Variants in MAP2K3 observed in about 807,000 individuals in gnomAD.
MAP2K3 encodes the protein mitogen-activated protein kinase kinase 3.
MAP2K3 carries 30 observed loss-of-function variants against 46.4 expected under a neutral mutation model. That is an observed-to-expected ratio of 0.65 (90% confidence interval 0.48 to 0.88). The LOEUF (loss-of-function observed/expected upper bound fraction) is 0.88, where lower values mean the gene tolerates loss of function less well. Ranked by LOEUF, MAP2K3 falls within the 40% of genes least tolerant of loss-of-function variation. The pLI is 0.00. For synonymous variants in MAP2K3, 189 were observed against 176.3 expected (o/e 1.07, Z -0.57); for missense variants, 380 against 464.5 (o/e 0.82, Z 1.67).
intron 9 of MAP2K3, among the ~76,000 whole-genome samples, chr17:21,308,278 G>A (rs978587488): frequency 6.6e-6 from 1 of 152,264 alleles, no homozygotes; most frequent in African/African-American, 2.4e-5. Flanking sequence ...CTCTCAAGTA[G>A]CTAGGATTAC....
chr17:21,309,797 A>G (rs905202180), intron 9 of MAP2K3, among the ~76,000 whole-genome samples: 2 of 151,944 alleles, frequency 1.3e-5, no homozygotes, highest in African/African-American at 4.8e-5. Context: ...TATTTTTAGT[A>G]GAGATGGGGT....
chr17:21,304,128 G>C (rs559711045), intron 7 of MAP2K3, among the ~76,000 whole-genome samples: 8 of 152,308 alleles, frequency 5.3e-5, no homozygotes, highest in South Asian at 2.1e-4. Context: ...GCGGATGCAG[G>C]CACGGTGCTC....
rs1597823265 is a variant in MAP2K3, at chr17:21,304,371, A to C, written c.569-55A>C. The C allele has an allele frequency of 1.9e-6, 3 of 1,613,944 alleles. No homozygotes were observed. The South Asian group carries it at 3.3e-5, about 18-fold the overall frequency. The stretch of plus-strand genomic sequence containing the variant: ...GGGGCACAGCTATGCAGAGCATGGC[A>C]CCTGCCTCCAGTCGTGCTCCACAGA... On this transcript the variant is annotated intron_variant, in intron 7 of 11. Transcript: ENST00000342679.
intron 9 of MAP2K3, among the ~76,000 whole-genome samples, chr17:21,309,993 GTTTTTTGTT>G (rs1424608716): frequency 6.7e-6 from 1 of 149,694 alleles, no homozygotes; most frequent in African/African-American, 2.5e-5. Context: ...TGTTTTTTTT[GTTTTTTGTT>G]TTTTTTGTTG....
At position 21,314,426 on chromosome 17, in the gene MAP2K3, G is replaced by A. The variant is rs564782480; in HGVS notation, c.*196G>A. ...AAGAAGCAGACCATTGGGGCTCCCA[G>A]CCAGGCCCTTGTCGGCCCCACCAGT... is the stretch of plus-strand genomic sequence containing the variant. On this transcript the variant is annotated 3_prime_UTR_variant, in exon 12 of 12. Coordinates refer to ENST00000342679, the MANE Select transcript of MAP2K3 (RefSeq NM_145109.3). 2.0e-5 allele frequency: 12 copies of A among 593,594 alleles called. No homozygotes were observed. In the South Asian group the frequency reaches 2.1e-4, roughly 11 times the overall value. 36.8% of individuals were successfully genotyped at this position (593,594 alleles called of 1,614,324 possible).
chr17:21,286,062 C>T (rs1238078529), intron 1 of MAP2K3, among the ~76,000 whole-genome samples: 2 of 152,182 alleles, frequency 1.3e-5, no homozygotes, highest in Admixed American at 6.5e-5. Flanking sequence ...TCCCTGGTGT[C>T]TCTGGGCCTC....
chr17:21,304,276 T>A (rs1352032567), intron 7 of MAP2K3, 150 bp from the exon 8 acceptor site: 11 of 1,423,676 alleles, frequency 7.7e-6, no homozygotes, highest in Admixed American at 1.8e-5. Flanking sequence ...GGTCTGACCC[T>A]TGGGACCCTG....
At chr17:21,293,720 ACTC>A (rs958483402) in intron 1 of MAP2K3, among the ~76,000 whole-genome samples, 25 of 152,408 alleles carry the variant, frequency 1.6e-4, no homozygotes, top group Admixed American at 1.6e-3. Context: ...AGCCTTGGTC[ACTC>A]CTCCTCACCC....
chr17:21,297,382 G>A (rs1433091413), intron 1 of MAP2K3, among the ~76,000 whole-genome samples: 1 of 152,308 alleles, frequency 6.6e-6, no homozygotes, highest in Non-Finnish European at 1.5e-5. Context: ...GCCAAGATGT[G>A]GCAGGATCAT....
chr17:21,296,966 G>A (rs1462697529), intron 1 of MAP2K3, among the ~76,000 whole-genome samples: 2 of 152,430 alleles, frequency 1.3e-5, no homozygotes, highest in East Asian at 3.8e-4. Flanking sequence ...AGCCTCTGGG[G>A]CCTGGCAGCG....
intron 1 of MAP2K3, among the ~76,000 whole-genome samples, chr17:21,289,701 G>A (rs529825437): frequency 2.8e-4 from 43 of 152,240 alleles, no homozygotes; most frequent in Non-Finnish European, 3.2e-4. Context: ...TCTTGCCAGG[G>A]GCATGAAGGC....
intron 10 of MAP2K3, among the ~76,000 whole-genome samples, chr17:21,313,175 T>C (rs1977244011): frequency 6.6e-6 from 1 of 152,158 alleles, no homozygotes; most frequent in Non-Finnish European, 1.5e-5. Context: ...TCTCTCCTGA[T>C]TGAGGATACC....
rs1428641726 is a variant in MAP2K3 at position 21,298,773 on chromosome 17, GAGGCACCTCGT to G, written c.117-104_117-94del. On this transcript the variant is annotated intron_variant, in intron 2 of 11. Coordinates refer to ENST00000342679, the MANE Select transcript of MAP2K3 (RefSeq NM_145109.3). ...GCCGGAGAAGGCGCCTCCGGGGCAG[GAGGCACCTCGT>G]CCCCACGCCAGGCCCCACACTGGCC... The G allele has an allele frequency of 5.2e-6, 8 of 1,550,928 alleles. No individual in the cohort carries two copies. The African/African-American group carries it at 1.1e-4, about 21-fold the overall frequency.
chr17:21,309,993 G>GTTTTTTGTT (rs1424608716), intron 9 of MAP2K3, among the ~76,000 whole-genome samples: 1 of 149,694 alleles, frequency 6.7e-6, no homozygotes, highest in Non-Finnish European at 1.5e-5. Context: ...TGTTTTTTTT[G>GTTTTTTGTT]TTTTTTGTTT....
intron 1 of MAP2K3, among the ~76,000 whole-genome samples, chr17:21,297,591 T>C (rs1484382678): frequency 6.6e-6 from 1 of 152,310 alleles, no homozygotes; most frequent in Non-Finnish European, 1.5e-5. Context: ...AGGGCGGCCC[T>C]GACTACAGGG....
intron 1 of MAP2K3, among the ~76,000 whole-genome samples, chr17:21,287,283 C>G (rs375799516): frequency 9.6e-4 from 147 of 152,392 alleles, no homozygotes; most frequent in African/African-American, 3.4e-3. Flanking sequence ...TACACTGGGC[C>G]TGTTGCATTC....
At chr17:21,294,720 G>A (rs1391871695) in intron 1 of MAP2K3, among the ~76,000 whole-genome samples, 1 of 152,310 alleles carries the variant, frequency 6.6e-6, no homozygotes, top group Non-Finnish European at 1.5e-5. Flanking sequence ...GCTGAGGGTG[G>A]TGTTCTCTTG....
At chr17:21,306,217 T>A (rs1228191279) in intron 9 of MAP2K3, among the ~76,000 whole-genome samples, 1 of 152,192 alleles carries the variant, frequency 6.6e-6, no homozygotes, top group Non-Finnish European at 1.5e-5. Context: ...GGGTCTCCCA[T>A]ACTACTGGAC....
intron 1 of MAP2K3, among the ~76,000 whole-genome samples, chr17:21,286,992 C>T (rs1162930525): frequency 2.0e-5 from 3 of 152,232 alleles, no homozygotes; most frequent in Non-Finnish European, 4.4e-5. Context: ...TTCCTCATAG[C>T]CCCATTTACT....
Sources: allele counts gnomAD v4.1 joint callset (sites outside exome capture counted in the v4.1 genomes callset), GRCh38; gene constraint gnomAD v4.1.1; transcripts MANE v1.5; gene names NCBI Gene and HGNC (gene_info 2026-07-23, HGNC 2026-07-21).